The following PBX4 variants were observed in gnomAD, a reference collection of about 807,000 sequenced individuals.
The protein encoded by PBX4 is pre-B-cell leukemia transcription factor 4.
A neutral mutation model predicts 35.1 loss-of-function variants in PBX4; 26 were observed. That is an observed-to-expected ratio of 0.74 (90% CI 0.54 to 1.03). The LOEUF (loss-of-function observed/expected upper bound fraction) is 1.03, where lower values mean the gene tolerates loss of function less well. Ranked by LOEUF, PBX4 falls within the 50% of genes least tolerant of loss-of-function variation. PBX4 has a pLI of 0.00. For missense variants in PBX4, 448 were observed against 504.3 expected (o/e 0.89, Z 1.07); for synonymous variants, 199 against 204.2 (o/e 0.97, Z 0.22).
At chr19:19,591,525 C>T (rs939292821) in intron 2 of PBX4, among the ~76,000 whole-genome samples, 13 of 152,258 alleles carry the variant, frequency 8.5e-5, no homozygotes, top group African/African-American at 3.1e-4. Flanking sequence ...TGCAGCACAA[C>T]AGCCCTGGCT....
At chr19:19,614,443 G>T (rs1166542647) in intron 1 of PBX4, among the ~76,000 whole-genome samples, 2 of 152,018 alleles carry the variant, frequency 1.3e-5, no homozygotes, top group African/African-American at 4.8e-5. Flanking sequence ...AGACCAGCCT[G>T]GCCAACATGG....
chr19:19,562,116 G>T lies in PBX4; in HGVS notation c.1034C>A (p.Ala345Asp), dbSNP rs2061310594. 5.6e-6 allele frequency: 9 copies of T among 1,608,708 alleles called. No homozygotes were observed. The East Asian group carries it at 6.7e-5, about 12-fold the overall frequency. Residue 345 changes from alanine to aspartate, a missense_variant and splice_region_variant, in exon 8 of 8, where the codon GCC becomes GAC. Physicochemically the swap from Ala to Asp is moderately radical, Grantham distance 126 (BLOSUM62 -2). Transcript: ENST00000251203. The surrounding 1 kb of genome is among the most constrained non-coding windows in gnomAD (Gnocchi z 4.8). ...PPGGGCLQSQ[A>D]QGSWQGATPQ... ...GGTGGCCCCCTGCCAGCTACCCTGGGCCTGAAACGACAGAGACTGAGCATC... is the reference window on the plus strand; with the variant it reads ...GGTGGCCCCCTGCCAGCTACCCTGGTCCTGAAACGACAGAGACTGAGCATC...
chr19:19,601,858 T>C (rs949097348), intron 1 of PBX4, among the ~76,000 whole-genome samples: 2 of 152,054 alleles, frequency 1.3e-5, no homozygotes, highest in Non-Finnish European at 2.9e-5. Context: ...CCTACCGAAA[T>C]GTAAAATCGG....
intron 2 of PBX4, 36 bp downstream of exon 2, chr19:19,599,256 C>A: frequency 6.4e-7 from 1 of 1,569,776 alleles, no homozygotes; most frequent in Non-Finnish European, 8.7e-7. Context: ...CATGAGCCAC[C>A]ACGCTCGGCC....
chr19:19,574,507 C>G (rs2061406734), intron 2 of PBX4, among the ~76,000 whole-genome samples: 1 of 152,182 alleles, frequency 6.6e-6, no homozygotes, highest in African/African-American at 2.4e-5. Flanking sequence ...ACTCAAGGAC[C>G]CTCCTCACCG....
At position 19,618,603 on chromosome 19, in the gene PBX4, T is replaced by C; in HGVS notation, c.27A>G (p.Pro9=). Reference sequence around the variant, plus strand: ...CGAGGCGCCGCGGGGCGGGGGGCGATGGCGCGGGGCGCGGCGGGGCGGCCA... The same window carrying C: ...CGAGGCGCCGCGGGGCGGGGGGCGACGGCGCGGGGCGCGGCGGGGCGGCCA... MAAPPRPA[P]SPPAPRRLDT... is the part of the protein sequence containing the mutation. Residue 9 remains proline, a synonymous_variant, in exon 1 of 8, where the codon CCA becomes CCG. Coordinates refer to ENST00000251203, the MANE Select transcript of PBX4 (RefSeq NM_025245.3). 1 of 1,274,994 alleles carries C rather than the reference T, an allele frequency of 7.8e-7. No individual in the cohort carries two copies. The highest frequency in any genetic ancestry group is 9.9e-7 in the Non-Finnish European group (1 of 1,009,092). The allele number at this position is 1,274,994 out of a possible 1,614,324, so 79.0% of individuals were successfully genotyped here.
intron 2 of PBX4, among the ~76,000 whole-genome samples, chr19:19,598,422 C>T (rs1295091022): frequency 2.0e-5 from 3 of 151,728 alleles, no homozygotes; most frequent in Non-Finnish European, 4.4e-5. Flanking sequence ...CTCAGCCTCC[C>T]AAGTAGCTGG....
At chr19:19,599,719 T>G (rs1019789857) in intron 1 of PBX4, among the ~76,000 whole-genome samples, 45 of 152,106 alleles carry the variant, frequency 3.0e-4, no homozygotes, top group Non-Finnish European at 5.9e-5. Flanking sequence ...ATGCCTATAA[T>G]CCCAGAACTT....
rs140124968 is a variant in PBX4, at chr19:19,569,708, G to A, written c.633-124C>T. 8.4e-5 allele frequency: 109 copies of A among 1,295,398 alleles called. No individual in the cohort carries two copies. In the East Asian group the frequency reaches 2.3e-3, roughly 27 times the overall value. The allele number at this position is 1,295,398 out of a possible 1,614,324, so 80.2% of individuals were successfully genotyped here. ...AGCAATCACTTGAGGTCAGGAGTTCGAGACCAGCGTGGTCAACATAGTGAA... is the reference window on the plus strand; with the variant it reads ...AGCAATCACTTGAGGTCAGGAGTTCAAGACCAGCGTGGTCAACATAGTGAA... On this transcript the variant is annotated intron_variant, in intron 4 of 7. Transcript: ENST00000251203.
intron 2 of PBX4, 109 bp downstream of exon 2, chr19:19,599,183 G>T: frequency 1.1e-6 from 1 of 880,698 alleles, no homozygotes; most frequent in Non-Finnish European, 1.8e-6. Context: ...TGGTCAGGCT[G>T]GTCTGGAATC....
rs201151578 is a variant in PBX4, at chr19:19,600,959, C to A, written c.120-1594G>T. Among the ~76,000 whole-genome samples, 3 of 152,302 alleles carry A rather than the reference C, an allele frequency of 2.0e-5. No homozygotes were observed. In the East Asian group the frequency reaches 5.8e-4, roughly 29 times the overall value. On this transcript the variant is annotated intron_variant, in intron 1 of 7. Transcript: ENST00000251203. ...AGCACCAATCATCCTCTTCCAGTGT[C>A]ACTTGGCAGGTGTTTACTGAGTACC...
chr19:19,585,826 G>A (rs879377288), intron 2 of PBX4, among the ~76,000 whole-genome samples: 4 of 151,682 alleles, frequency 2.6e-5, no homozygotes, highest in Non-Finnish European at 5.9e-5. Context: ...TAACTTCACC[G>A]CCTATCCCAA....
At chr19:19,567,419 A>G (rs993957996) in intron 5 of PBX4, among the ~76,000 whole-genome samples, 7 of 152,146 alleles carry the variant, frequency 4.6e-5, no homozygotes, top group Admixed American at 2.0e-4. Flanking sequence ...CCTGGGTTGG[A>G]GCAGAGCATG....
At chr19:19,612,111 A>C (rs2061665797) in intron 1 of PBX4, among the ~76,000 whole-genome samples, 2 of 151,990 alleles carry the variant, frequency 1.3e-5, no homozygotes, top group African/African-American at 4.8e-5. Context: ...TCTACTAAAA[A>C]TACAAAAATT....
At position 19,588,498 on chromosome 19, in the gene PBX4, C is replaced by T. The variant is rs972143454; in HGVS notation, c.193+10794G>A. 24 of 604,204 alleles carry T rather than the reference C, an allele frequency of 4.0e-5. No homozygotes were observed. The Admixed American group carries it at 4.8e-4, about 12-fold the overall frequency. The allele number at this position is 604,204 out of a possible 1,614,324, so 37.4% of individuals were successfully genotyped here. On this transcript the variant is annotated intron_variant, in intron 2 of 7. Transcript: ENST00000251203. ...TTCACCATGTTGGCCAGGCTGGTCTCGAACTCCTGACCTCGTGATCTACCC... is the reference window on the plus strand; with the variant it reads ...TTCACCATGTTGGCCAGGCTGGTCTTGAACTCCTGACCTCGTGATCTACCC...
chr19:19,573,728 C>CT (rs1207998861), intron 2 of PBX4, among the ~76,000 whole-genome samples: 2 of 146,300 alleles, frequency 1.4e-5, no homozygotes, highest in Non-Finnish European at 3.1e-5. Flanking sequence ...CTCTATTTTC[C>CT]TTTTTTTGTT....
At position 19,562,125 on chromosome 19, in the gene PBX4, G is replaced by A. The variant is rs759757855; in HGVS notation, c.1033-8C>T. 8.7e-6 allele frequency: 14 copies of A among 1,603,394 alleles called. No individual in the cohort carries two copies. In the Admixed American group the frequency reaches 2.2e-4, roughly 25 times the overall value. On this transcript the variant is annotated splice_region_variant and splice_polypyrimidine_tract_variant and intron_variant, in intron 7 of 7. Coordinates refer to ENST00000251203, the MANE Select transcript of PBX4 (RefSeq NM_025245.3). This position sits in a 1 kb window ranked among gnomAD's most constrained non-coding sequence, Gnocchi z 4.8. ...CTGCCAGCTACCCTGGGCCTGAAAC[G>A]ACAGAGACTGAGCATCAGAGTGGGT...
intron 2 of PBX4, among the ~76,000 whole-genome samples, chr19:19,586,845 C>T (rs568380372): frequency 2.0e-5 from 3 of 151,724 alleles, no homozygotes; most frequent in Non-Finnish European, 2.9e-5. Context: ...GCAGGAGAAT[C>T]GTTTGAACCC....
rs1414968272 is a variant in PBX4 at position 19,562,439 on chromosome 19, T to C, written c.1033-322A>G. 6.6e-6 allele frequency among the ~76,000 whole-genome samples: 1 copy of C among 151,920 alleles called. No homozygotes were observed. Among genetic ancestry groups the C allele is most frequent in the African/African-American group, 2.4e-5 (1 of 41,340 alleles). On this transcript the variant is annotated intron_variant, in intron 7 of 7. Transcript: ENST00000251203. This position sits in a 1 kb window ranked among gnomAD's most constrained non-coding sequence, Gnocchi z 4.8. ...CCCGGCGAGGGGCAGGGAGGCAAGGTCAGGCCTGGAGCCCATGATGACGCC... is the reference window on the plus strand; with the variant it reads ...CCCGGCGAGGGGCAGGGAGGCAAGGCCAGGCCTGGAGCCCATGATGACGCC...
Sources: gnomAD v4.1 joint callset for allele counts (sites outside exome capture counted in the v4.1 genomes callset) on GRCh38, gnomAD v4.1.1 for gene constraint, Gnocchi (gnomAD v3.1) non-coding constraint, MANE v1.5 for transcripts, NCBI Gene and HGNC (gene_info 2026-07-23, HGNC 2026-07-21) for gene names.